DGKB: variants seen among roughly 807,000 people sequenced by gnomAD.
DGKB encodes the protein 90 kDa diacylglycerol kinase.
A neutral mutation model predicts 114.3 loss-of-function variants in DGKB; 67 were observed. That is an observed-to-expected ratio of 0.59 (90% CI 0.48 to 0.72). The LOEUF is 0.72. Ranked by LOEUF, DGKB falls within the 30% of genes least tolerant of loss-of-function variation. DGKB has a pLI of 0.00. For missense variants in DGKB, 907 were observed against 975.2 expected, an observed-to-expected ratio of 0.93 and a Z score of 0.93; for synonymous variants, 398 against 323.1, an observed-to-expected ratio of 1.23 and a Z score of -2.49.
At position 14,146,030 on chromosome 7, in the gene DGKB, G is replaced by A. The variant is rs1177906410; in HGVS notation, c.*3101C>T. ...GCAGTAGACTAGGCTAAACATCTGA[G>A]CCTTTTGTTTTATTCTGGCTATGAT... is the stretch of plus-strand genomic sequence containing the variant. On this transcript the variant is annotated 3_prime_UTR_variant, in exon 26 of 26. Transcript: ENST00000402815. 4 of 152,060 alleles carry A rather than the reference G, an allele frequency of 2.6e-5. No individual in the cohort carries two copies. The highest frequency in any genetic ancestry group is 9.7e-5 in the African/African-American group (4 of 41,410). 9.4% of individuals were successfully genotyped at this position (152,060 alleles called of 1,614,324 possible).
intron 2 of DGKB, among the ~76,000 whole-genome samples, chr7:14,780,715 A>G (rs944843563): frequency 2.6e-5 from 4 of 151,978 alleles, no homozygotes; most frequent in African/African-American, 9.7e-5. Flanking sequence ...CATACTTCTC[A>G]TATTCTGCTC....
At chr7:14,501,607 C>T (rs571356715) in intron 20 of DGKB, among the ~76,000 whole-genome samples, 1 of 151,842 alleles carries the variant, frequency 6.6e-6, no homozygotes, top group Non-Finnish European at 1.5e-5. Flanking sequence ...AGAATCATCT[C>T]CAGGAAGCTG....
chr7:14,248,501 T>C (rs1018681542), intron 23 of DGKB, among the ~76,000 whole-genome samples: 13 of 152,150 alleles, frequency 8.5e-5, no homozygotes, highest in African/African-American at 3.1e-4. Flanking sequence ...TATTTTTCCA[T>C]TTATTCATGT....
At chr7:14,191,473 ACT>A (rs1784309441) in intron 23 of DGKB, 1 of 183,528 alleles carries the variant, frequency 5.4e-6, no homozygotes, top group Non-Finnish European at 1.2e-5. Flanking sequence ...GTTGCTTGAA[ACT>A]CTGCAATGCA....
intron 2 of DGKB, among the ~76,000 whole-genome samples, chr7:14,818,959 A>T (rs62448747): frequency 0.32 from 48,367 of 152,062 alleles, 9,895 homozygotes; most frequent in Non-Finnish European, 0.45. Flanking sequence ...AAGAATGAAT[A>T]TGATAGCAAA....
At chr7:14,628,022 G>C (rs1238966715) in intron 14 of DGKB, among the ~76,000 whole-genome samples, 2 of 151,512 alleles carry the variant, frequency 1.3e-5, no homozygotes, top group Non-Finnish European at 2.9e-5. Flanking sequence ...CAATCCCTTT[G>C]TAAACCATAC....
chr7:14,241,519 A>G (rs1305219483), intron 23 of DGKB, among the ~76,000 whole-genome samples: 1 of 152,160 alleles, frequency 6.6e-6, no homozygotes, highest in African/African-American at 2.4e-5. Flanking sequence ...AATTGTCCTT[A>G]AGAAATCAGC....
chr7:14,527,936 T>C (rs1019629813), intron 20 of DGKB, among the ~76,000 whole-genome samples: 7 of 152,108 alleles, frequency 4.6e-5, no homozygotes, highest in African/African-American at 1.2e-4. Flanking sequence ...TAAAAACTTC[T>C]GCTATATGGA....
chr7:14,678,222 A>T (rs1820213340), intron 12 of DGKB, among the ~76,000 whole-genome samples: 1 of 152,210 alleles, frequency 6.6e-6, no homozygotes, highest in Admixed American at 6.6e-5. Flanking sequence ...AATGTGTGAC[A>T]TGGACAAGCA....
At chr7:14,431,864 T>C (rs778254713) in intron 21 of DGKB, among the ~76,000 whole-genome samples, 22 of 152,086 alleles carry the variant, frequency 1.4e-4, no homozygotes, top group Admixed American at 2.6e-4. Context: ...GAAAGCCACA[T>C]GGATTTATAT....
intron 2 of DGKB, among the ~76,000 whole-genome samples, chr7:14,798,453 T>TTTTA (rs113869808): frequency 0.41 from 62,688 of 151,808 alleles, 14,887 homozygotes; most frequent in African/African-American, 0.66. Flanking sequence ...CCACCTGGCC[T>TTTTA]TTTGAGTTCT....
In DGKB at chr7:14,338,383, T is replaced by C. The variant is rs892728004; in HGVS notation, c.2122+132A>G. 2.1e-5 allele frequency: 10 copies of C among 487,766 alleles called. No individual in the cohort carries two copies. The Admixed American group carries it at 3.2e-4, about 16-fold the overall frequency. 30.2% of individuals were successfully genotyped at this position (487,766 alleles called of 1,614,324 possible). On this transcript the variant is annotated intron_variant, in intron 23 of 25. Coordinates refer to ENST00000402815, the MANE Select transcript of DGKB (RefSeq NM_001350709.2). ...GATATAAGTTAATCACACATGGGTA[T>C]CCCATAATATGAAAAATACAACTGT...
At chr7:14,563,995 C>T (rs1281884933) in intron 20 of DGKB, among the ~76,000 whole-genome samples, 3 of 152,104 alleles carry the variant, frequency 2.0e-5, no homozygotes, top group Non-Finnish European at 4.4e-5. Context: ...GTGTTAGACC[C>T]ATCAGAGTTT....
intron 20 of DGKB, among the ~76,000 whole-genome samples, chr7:14,522,893 T>C (rs991892541): frequency 6.6e-6 from 1 of 152,190 alleles, no homozygotes; most frequent in Non-Finnish European, 1.5e-5. Flanking sequence ...GGTATTCTTA[T>C]ACAGATAAAA....
At chr7:14,392,995 G>GTGTTTTTTTTTTTTTT (rs1821577015) in intron 21 of DGKB, among the ~76,000 whole-genome samples, 2 of 60,546 alleles carry the variant, frequency 3.3e-5, no homozygotes, top group African/African-American at 9.7e-5. Context: ...TTTTGTTTTT[G>GTGTTTTTTTTTTTTTT]TTTTTTTTTT....
rs181748266 is a variant in DGKB, at chr7:14,214,921, C to T, written c.2123-36770G>A. 5.3e-5 allele frequency among the ~76,000 whole-genome samples: 8 copies of T among 152,232 alleles called. No individual in the cohort carries two copies. The East Asian group carries it at 1.4e-3, about 26-fold the overall frequency. On this transcript the variant is annotated intron_variant, in intron 23 of 25. Coordinates refer to ENST00000402815, the MANE Select transcript of DGKB (RefSeq NM_001350709.2). ...AGTCACACAGTACTGTCCTGACTTCCATTCGCTCCTCCCTCCTTCTCCCAC... is the reference window on the plus strand; with the variant it reads ...AGTCACACAGTACTGTCCTGACTTCTATTCGCTCCTCCCTCCTTCTCCCAC...
Position 14,438,348 on chromosome 7 carries a change from C to T in DGKB, c.1835+39813G>A, listed in dbSNP as rs181486018. ...AGTTTTTTAACAGTGCTACCAAGCA[C>T]GTCACATTTGGAGGACTCAGCACAG... On this transcript the variant is annotated intron_variant, in intron 21 of 25. Transcript: ENST00000402815. 6.6e-4 allele frequency among the ~76,000 whole-genome samples: 101 copies of T among 152,172 alleles called. 1 individual carries two copies. The highest frequency in any genetic ancestry group is 6.7e-4 in the African/African-American group (28 of 41,522).
chr7:14,611,262 T>C (rs1805492304), intron 16 of DGKB, among the ~76,000 whole-genome samples: 1 of 152,318 alleles, frequency 6.6e-6, no homozygotes, highest in East Asian at 1.9e-4. Flanking sequence ...GATCTATTTA[T>C]GTCCCTGCCT....
At chr7:14,479,488 T>C (rs968834548) in intron 20 of DGKB, among the ~76,000 whole-genome samples, 1 of 152,092 alleles carries the variant, frequency 6.6e-6, no homozygotes, top group South Asian at 2.1e-4. Flanking sequence ...TAGAGGTGTA[T>C]AGAAACAATG....
Sources: gnomAD v4.1 joint callset for allele counts (sites outside exome capture counted in the v4.1 genomes callset) on GRCh38, gnomAD v4.1.1 for gene constraint, MANE v1.5 for transcripts, NCBI Gene and HGNC (gene_info 2026-07-23, HGNC 2026-07-21) for gene names.